The following NR2C1 variants were observed in gnomAD, a reference collection of about 807,000 sequenced individuals.
NR2C1 encodes TR2 nuclear hormone receptor.
NR2C1 carries 33 observed loss-of-function variants against 74.8 expected under a neutral mutation model. The observed-to-expected ratio is 0.44, with a 90% CI of 0.33 to 0.59. The LOEUF is 0.59. Ranked by LOEUF, NR2C1 falls within the 20% of genes least tolerant of loss-of-function variation. NR2C1 has a pLI of 0.02. For synonymous variants in NR2C1, 225 were observed against 240.6 expected (o/e 0.94, Z 0.60); for missense variants, 568 against 715.6 (o/e 0.79, Z 2.35).
At chr12:95,024,588 G>A (rs1053058563) in intron 13 of NR2C1, among the ~76,000 whole-genome samples, 3 of 151,982 alleles carry the variant, frequency 2.0e-5, no homozygotes, top group Non-Finnish European at 4.4e-5. Flanking sequence ...CAATCTAATG[G>A]TATTTGTTTT....
At chr12:95,067,518 C>T in intron 1 of NR2C1, 127 bp from the exon 2 acceptor site, 1 of 730,936 alleles carries the variant, frequency 1.4e-6, no homozygotes, top group Non-Finnish European at 2.2e-6. Context: ...GGAGGGTTGG[C>T]TTTTTCTGAA....
chr12:95,042,951 A>AC (rs1871783601), intron 9 of NR2C1, among the ~76,000 whole-genome samples: 1 of 150,380 alleles, frequency 6.6e-6, no homozygotes, highest in African/African-American at 2.4e-5. Flanking sequence ...AAAAAAAAAA[A>AC]CCGACACACA....
chr12:95,024,633 T>G (rs907792481), intron 13 of NR2C1, among the ~76,000 whole-genome samples: 1 of 152,250 alleles, frequency 6.6e-6, no homozygotes, highest in Non-Finnish European at 1.5e-5. Flanking sequence ...GGTCTCACTC[T>G]GTCACCCAGA....
chr12:95,072,130 T>A (rs1876729931), intron 1 of NR2C1, among the ~76,000 whole-genome samples: 1 of 142,888 alleles, frequency 7.0e-6, no homozygotes. Flanking sequence ...AAAACAATCA[T>A]CGGCCGGGCG....
At chr12:95,038,934 A>T (rs1871183731) in intron 10 of NR2C1, among the ~76,000 whole-genome samples, 1 of 152,102 alleles carries the variant, frequency 6.6e-6, no homozygotes, top group African/African-American at 2.4e-5. Flanking sequence ...TTTACATTTT[A>T]TTTTTTTCTA....
At position 95,055,902 on chromosome 12, in the gene NR2C1, G is replaced by A. The variant is rs373670715; in HGVS notation, c.783+1651C>T. Among the ~76,000 whole-genome samples the A allele has an allele frequency of 3.3e-3, 468 of 142,648 alleles. 6 individuals carry two copies. Among genetic ancestry groups the A allele is most frequent in the African/African-American group, 0.012 (453 of 38,084 alleles). 93.6% of individuals were successfully genotyped at this position (142,648 alleles called of 152,430 possible). ...CAGGAGGCGGAGGCTGCAGTGAGCC[G>A]AGATCGGGACACTGCACTCCAGACG... On this transcript the variant is annotated intron_variant, in intron 7 of 13. Transcript: ENST00000333003.
At chr12:95,070,128 G>T (rs1300651000) in intron 1 of NR2C1, among the ~76,000 whole-genome samples, 1 of 113,800 alleles carries the variant, frequency 8.8e-6, no homozygotes, top group Non-Finnish European at 2.2e-5. Flanking sequence ...AGTTTTTTTT[G>T]TTTTTTGTTT....
At chr12:95,044,908 T>TG (rs1872116632) in intron 9 of NR2C1, among the ~76,000 whole-genome samples, 1 of 151,760 alleles carries the variant, frequency 6.6e-6, no homozygotes, top group South Asian at 2.1e-4. Flanking sequence ...ACAAAATCCT[T>TG]GGAGGCTGAG....
At chr12:95,025,658 TAA>T (rs11291964) in intron 12 of NR2C1, among the ~76,000 whole-genome samples, 53 of 86,548 alleles carry the variant, frequency 6.1e-4, no homozygotes, top group South Asian at 5.2e-3. Flanking sequence ...AACTCTGTCT[TAA>T]AAAAAAAAAA....
intron 13 of NR2C1, 127 bp from the exon 14 acceptor site, chr12:95,022,530 C>G (rs1039057572): frequency 1.2e-6 from 1 of 815,588 alleles, no homozygotes; most frequent in Non-Finnish European, 2.0e-6. Flanking sequence ...AAGTTAAAAT[C>G]AAAACTTTAG....
intron 10 of NR2C1, among the ~76,000 whole-genome samples, chr12:95,033,355 G>C (rs933320993): frequency 3.3e-5 from 5 of 151,994 alleles, no homozygotes; most frequent in Admixed American, 2.6e-4. Context: ...AAATGGGAAG[G>C]TTCAGATAAG....
rs1302884465 is a variant in NR2C1 at position 95,020,398 on chromosome 12, T to C, written c.*1831A>G. 4 of 152,192 alleles carry C rather than the reference T, an allele frequency of 2.6e-5. No homozygotes were observed. The highest frequency in any genetic ancestry group is 7.2e-5 in the African/African-American group (3 of 41,458). 9.4% of individuals were successfully genotyped at this position (152,192 alleles called of 1,614,324 possible). A position where few individuals can be genotyped will look rare whatever the true frequency, so the allele number is the denominator to read the frequency against. ...ATTAGTACATTATTTTAAAGGATTA[T>C]TTCCCTGATTCCTTGGCTTACTAAA... On this transcript the variant is annotated 3_prime_UTR_variant, in exon 14 of 14. Coordinates refer to ENST00000333003, the MANE Select transcript of NR2C1 (RefSeq NM_003297.4).
rs527976603 is a variant in NR2C1, at chr12:95,023,485, A to G, written c.1638-1082T>C. Among the ~76,000 whole-genome samples the G allele has an allele frequency of 2.0e-5, 3 of 152,372 alleles. No homozygotes were observed. In the South Asian group the frequency reaches 6.2e-4, roughly 32 times the overall value. ...AGACATTTTCTTGGTTTTGCTCTGC[A>G]AAAAACTACTGGAAGTAGGCAATAG... On this transcript the variant is annotated intron_variant, in intron 13 of 13. Coordinates refer to ENST00000333003, the MANE Select transcript of NR2C1 (RefSeq NM_003297.4).
chr12:95,031,810 TAAAA>T (rs970073238), intron 10 of NR2C1, among the ~76,000 whole-genome samples: 1 of 151,780 alleles, frequency 6.6e-6, no homozygotes, highest in African/African-American at 2.4e-5. Context: ...AAGCATATAT[TAAAA>T]AAAAACTTTT....
At chr12:95,045,076 G>A (rs879553236) in intron 9 of NR2C1, among the ~76,000 whole-genome samples, 3 of 152,082 alleles carry the variant, frequency 2.0e-5, no homozygotes, top group Admixed American at 2.0e-4. Context: ...TAGGAGATCT[G>A]GATTCTGCTT....
chr12:95,064,783 G>A (rs769006919), intron 2 of NR2C1, among the ~76,000 whole-genome samples: 31 of 152,132 alleles, frequency 2.0e-4, no homozygotes, highest in Non-Finnish European at 3.8e-4. Flanking sequence ...GGCAAAGTCC[G>A]TTTGTTTCTA....
chr12:95,065,975 T>C (rs1053107860), intron 2 of NR2C1, among the ~76,000 whole-genome samples: 2 of 151,818 alleles, frequency 1.3e-5, no homozygotes, highest in African/African-American at 4.8e-5. Flanking sequence ...AATTATTGAC[T>C]ATAGTCCCTC....
At chr12:95,053,462 T>C (rs1677031900) in intron 7 of NR2C1, among the ~76,000 whole-genome samples, 1 of 152,120 alleles carries the variant, frequency 6.6e-6, no homozygotes, top group Admixed American at 6.5e-5. Flanking sequence ...GAAGCTGATA[T>C]CCTAGCAATT....
intron 10 of NR2C1, among the ~76,000 whole-genome samples, chr12:95,038,111 A>G (rs1871090901): frequency 6.6e-6 from 1 of 152,192 alleles, no homozygotes; most frequent in African/African-American, 2.4e-5. Flanking sequence ...TCTAATTACA[A>G]AGAATCTTGT....
Sources: allele counts gnomAD v4.1 joint callset (sites outside exome capture counted in the v4.1 genomes callset), GRCh38; gene constraint gnomAD v4.1.1; transcripts MANE v1.5; gene names NCBI Gene and HGNC (gene_info 2026-07-23, HGNC 2026-07-21).